Variants in TRRAP observed in about 807,000 individuals in gnomAD.
TRRAP encodes the protein transformation/transcription domain-associated protein.
Under a neutral mutation model 438.8 loss-of-function variants are expected in TRRAP, and 41 were observed. That is an observed-to-expected ratio of 0.09 (90% CI 0.07 to 0.12). The LOEUF is 0.12. TRRAP is among the 10% of genes least tolerant of loss of function. The pLI is 1.00. For missense variants in TRRAP, 3,122 were observed against 5,055.1 expected (o/e 0.62, Z 11.60); for synonymous variants, 1,994 against 1,962.9 (o/e 1.02, Z -0.42).
At chr7:98,951,435 G>C (rs1026705418) in intron 39 of TRRAP, among the ~76,000 whole-genome samples, 1 of 152,160 alleles carries the variant, frequency 6.6e-6, no homozygotes, top group Non-Finnish European at 1.5e-5. Context: ...CTTTTCCAGT[G>C]AATGAAACCC....
intron 3 of TRRAP, among the ~76,000 whole-genome samples, chr7:98,883,219 A>AT (rs1212221084): frequency 1.3e-5 from 2 of 152,072 alleles, no homozygotes; most frequent in Admixed American, 1.3e-4. Context: ...TCTTCTGAGA[A>AT]TTTTTTTATT....
At chr7:98,989,871 C>G (rs531851051) in intron 63 of TRRAP, among the ~76,000 whole-genome samples, 1 of 152,336 alleles carries the variant, frequency 6.6e-6, no homozygotes, top group South Asian at 2.1e-4. Context: ...CTGTTGCTGT[C>G]TTGCAGTCGG....
intron 25 of TRRAP, among the ~76,000 whole-genome samples, chr7:98,931,055 AC>A (rs1357986324): frequency 6.6e-6 from 1 of 152,220 alleles, no homozygotes; most frequent in African/African-American, 2.4e-5. Flanking sequence ...GTTACAGGCC[AC>A]AGTGTTTACC....
intron 5 of TRRAP, among the ~76,000 whole-genome samples, chr7:98,892,733 C>T (rs1451227407): frequency 6.6e-6 from 1 of 152,192 alleles, no homozygotes; most frequent in Non-Finnish European, 1.5e-5. Flanking sequence ...GTTTGAGTTA[C>T]TGAGGAATTG....
rs1554414551 is a variant in TRRAP at position 98,937,509 on chromosome 7, A to G, written c.4234-141A>G. 3 of 1,128,642 alleles carry G rather than the reference A, an allele frequency of 2.7e-6. No individual in the cohort carries two copies. In the Admixed American group the frequency reaches 9.9e-5, roughly 37 times the overall value. 69.9% of individuals were successfully genotyped at this position (1,128,642 alleles called of 1,614,324 possible). A position where few individuals can be genotyped will look rare whatever the true frequency, so the allele number is the denominator to read the frequency against. ...ATAAGTCTCCATCATTTCGTCATAA[A>G]TTTCTGAAATAGTATATGATTAATA... On this transcript the variant is annotated intron_variant, in intron 29 of 72. Coordinates refer to ENST00000456197, the MANE Select transcript of TRRAP (RefSeq NM_001375524.1).
intron 8 of TRRAP, among the ~76,000 whole-genome samples, chr7:98,898,353 T>G (rs1796318311): frequency 6.6e-6 from 1 of 152,222 alleles, no homozygotes; most frequent in South Asian, 2.1e-4. Context: ...TCACGGACTT[T>G]GTGAAGGTAA....
chr7:98,994,507 G>A lies in TRRAP; in HGVS notation c.10048-80G>A, dbSNP rs1030402110. On this transcript the variant is annotated intron_variant, in intron 66 of 72. Transcript: ENST00000456197. The surrounding 1 kb of genome is among the most constrained non-coding windows in gnomAD (Gnocchi z 4.8). ...GAGATGACCCTGGGCTGGGAGGGCC[G>A]CACTCAATAGGCGCTTTTGGCTGCT... The A allele has an allele frequency of 2.3e-5, 37 of 1,579,300 alleles. No homozygotes were observed. The Admixed American group carries it at 2.4e-4, about 10-fold the overall frequency.
At position 98,906,208 on chromosome 7, in the gene TRRAP, T is replaced by G; in HGVS notation, c.1068T>G (p.Asp356Glu). The change falls in exon 13 of 73, where the codon GAT becomes GAG. Residue 356 changes from aspartate to glutamate, a missense_variant. Transcript: ENST00000456197. The stretch of plus-strand genomic sequence containing the variant: ...TTCCTTGCATGGACAAGCTGTTTGA[T>G]GAATCCATACTAATTGGCTCAGGAT... Reference protein sequence around the residue: ...QFIPCMDKLFDESILIGSGYT... With the variant: ...QFIPCMDKLFEESILIGSGYT... 6.2e-7 allele frequency: 1 copy of G among 1,614,020 alleles called. No homozygotes were observed. The highest frequency in any genetic ancestry group is 8.5e-7 in the Non-Finnish European group (1 of 1,179,904).
intron 69 of TRRAP, among the ~76,000 whole-genome samples, chr7:99,007,109 C>T (rs1040748352): frequency 5.9e-5 from 9 of 152,234 alleles, no homozygotes; most frequent in Non-Finnish European, 1.3e-4. Flanking sequence ...GGGATTTACA[C>T]ATTAATGGGG....
chr7:98,900,762 T>A, intron 11 of TRRAP, 42 bp downstream of exon 11: 1 of 1,536,148 alleles, frequency 6.5e-7, no homozygotes, highest in Non-Finnish European at 8.9e-7. Flanking sequence ...TGAGATAGTT[T>A]ACATACAATA....
intron 48 of TRRAP, among the ~76,000 whole-genome samples, chr7:98,965,016 T>G (rs1001966930): frequency 2.0e-5 from 3 of 152,264 alleles, no homozygotes; most frequent in African/African-American, 7.2e-5. Flanking sequence ...CTCAGCGGGC[T>G]GAGGCAAGAG....
At chr7:98,886,678 A>G (rs1316085847) in intron 3 of TRRAP, among the ~76,000 whole-genome samples, 1 of 152,244 alleles carries the variant, frequency 6.6e-6, no homozygotes, top group East Asian at 1.9e-4. Context: ...AGTTCTCTAA[A>G]TTACTACCAC....
intron 7 of TRRAP, among the ~76,000 whole-genome samples, chr7:98,896,970 C>T (rs530063613): frequency 1.3e-5 from 2 of 152,094 alleles, no homozygotes; most frequent in Admixed American, 6.5e-5. Context: ...GGCAGTGGCT[C>T]ACCCCTGCAA....
At chr7:98,969,575 A>G (rs962444511) in intron 51 of TRRAP, among the ~76,000 whole-genome samples, 1 of 152,242 alleles carries the variant, frequency 6.6e-6, no homozygotes, top group South Asian at 2.1e-4. Context: ...TTCGCCCAAG[A>G]TGGCAAGAGT....
At chr7:98,977,898 G>A (rs1480489808) in intron 56 of TRRAP, among the ~76,000 whole-genome samples, 1 of 152,192 alleles carries the variant, frequency 6.6e-6, no homozygotes, top group Non-Finnish European at 1.5e-5. Context: ...AGAGAGCTGC[G>A]GGCATTTAGT....
At chr7:99,009,213 G>A (rs1419142084) in intron 70 of TRRAP, among the ~76,000 whole-genome samples, 1 of 152,090 alleles carries the variant, frequency 6.6e-6, no homozygotes, top group South Asian at 2.1e-4. Flanking sequence ...GATTTTTGGG[G>A]GATTGTGTGG....
At chr7:98,891,212 T>TATAC (rs1795960119) in intron 4 of TRRAP, among the ~76,000 whole-genome samples, 1 of 136,722 alleles carries the variant, frequency 7.3e-6, no homozygotes, top group Non-Finnish European at 1.6e-5. Context: ...TATTTTTTTT[T>TATAC]TTTTTTTTTT....
intron 3 of TRRAP, among the ~76,000 whole-genome samples, chr7:98,886,603 C>T (rs959709204): frequency 1.3e-5 from 2 of 151,888 alleles, no homozygotes; most frequent in Non-Finnish European, 1.5e-5. Flanking sequence ...CAACATTTAC[C>T]TTAAATGAAA....
In TRRAP at chr7:98,894,005, G is replaced by A. The variant is rs138391554; in HGVS notation, c.450+124G>A. ...TTTCAAGTGTAGAAATACAGCCTAA[G>A]TTTGGGGCAATTCTTTATGAGTTTA... On this transcript the variant is annotated intron_variant, in intron 6 of 72. Coordinates refer to ENST00000456197, the MANE Select transcript of TRRAP (RefSeq NM_001375524.1). The A allele has an allele frequency of 2.6e-4, 208 of 812,292 alleles. 1 individual carries two copies. The highest frequency in any genetic ancestry group is 2.2e-3 in the Middle Eastern group (7 of 3,238). 50.3% of individuals were successfully genotyped at this position (812,292 alleles called of 1,614,324 possible).
Sources: allele counts gnomAD v4.1 joint callset (sites outside exome capture counted in the v4.1 genomes callset), GRCh38; gene constraint gnomAD v4.1.1; non-coding constraint Gnocchi (gnomAD v3.1); transcripts MANE v1.5; gene names NCBI Gene and HGNC (gene_info 2026-07-23, HGNC 2026-07-21).